WNT8A: variants seen among roughly 807,000 people sequenced by gnomAD.
WNT8A encodes the protein Wnt family member 8A.
Under a neutral mutation model 20.5 loss-of-function variants are expected in WNT8A, and 14 were observed. The observed-to-expected ratio is 0.68, with a 90% CI of 0.45 to 1.07. The LOEUF is 1.07. WNT8A is among the 50% of genes least tolerant of loss of function. The probability of loss-of-function intolerance (pLI) is 0.00; values close to 1 mark genes in which losing one functional copy is unlikely to be tolerated. For synonymous variants in WNT8A, 167 were observed against 169.2 expected, an observed-to-expected ratio of 0.99 and a Z score of 0.10; for missense variants, 397 against 462.9, an observed-to-expected ratio of 0.86 and a Z score of 1.31.
chr5:138,084,489 C>T lies in WNT8A; in HGVS notation c.157-9C>T, dbSNP rs1750595437. 5 of 1,594,110 alleles carry T rather than the reference C, an allele frequency of 3.1e-6. No individual in the cohort carries two copies. The highest frequency in any genetic ancestry group is 4.3e-6 in the Non-Finnish European group (5 of 1,169,202). On this transcript the variant is annotated splice_polypyrimidine_tract_variant and intron_variant, in intron 1 of 4. Transcript: ENST00000506684. ...GGGCAGAAGCTCACAGCCCTTTTCC[C>T]TTTGCCAGGCCTATCTGACCTACAC...
upstream of WNT8A, among the ~76,000 whole-genome samples, chr5:138,081,341 T>A (rs527817355): frequency 6.6e-6 from 1 of 152,140 alleles, no homozygotes; most frequent in East Asian, 1.9e-4. Context: ...AAAAGAGTAT[T>A]TTTTTGTAGA....
At chr5:138,087,992 C>T in intron 3 of WNT8A, 61 bp downstream of exon 3, 6 of 1,596,806 alleles carry the variant, frequency 3.8e-6, no homozygotes, top group Non-Finnish European at 5.1e-6. Context: ...TGAGTGCAGA[C>T]TAAAGTCTTC....
upstream of WNT8A, among the ~76,000 whole-genome samples, chr5:138,080,205 C>T (rs1378800407): frequency 2.0e-5 from 3 of 151,830 alleles, no homozygotes; most frequent in Non-Finnish European, 2.9e-5. Flanking sequence ...CACCTGTAAT[C>T]CCAGCTACTT....
chr5:138,078,920 G>C, the WNT8A span, among the ~76,000 whole-genome samples: 1 of 152,176 alleles, frequency 6.6e-6, no homozygotes, highest in African/African-American at 2.4e-5. Flanking sequence ...ATTAGAGGTG[G>C]AAGGGGTCTT....
the WNT8A span, among the ~76,000 whole-genome samples, chr5:138,078,798 C>A: frequency 2.0e-5 from 3 of 152,114 alleles, no homozygotes; most frequent in Non-Finnish European, 4.4e-5. Flanking sequence ...CACGAATGGC[C>A]TCTGAATTTC....
At chr5:138,088,286 G>A (rs939456929) in intron 3 of WNT8A, among the ~76,000 whole-genome samples, 1 of 152,052 alleles carries the variant, frequency 6.6e-6, no homozygotes, top group Admixed American at 6.6e-5. Context: ...CACTAATGAA[G>A]GAGGTAGTAG....
At chr5:138,084,396 T>C in intron 1 of WNT8A, 102 bp from the exon 2 acceptor site, 3 of 1,550,884 alleles carry the variant, frequency 1.9e-6, no homozygotes, top group East Asian at 2.3e-5. Context: ...GAACCCATGG[T>C]TGATTCTTAA....
At position 138,090,997 on chromosome 5, in the gene WNT8A, G is replaced by A; in HGVS notation, c.1034G>A (p.Cys345Tyr). 6.2e-7 allele frequency: 1 copy of A among 1,614,206 alleles called. No individual in the cohort carries two copies. The highest frequency in any genetic ancestry group is 8.5e-7 in the Non-Finnish European group (1 of 1,180,028). Residue 345 changes from cysteine (C) to tyrosine (Y), a missense_variant, in exon 5 of 5, where the codon TGT becomes TAT. Cys to Tyr is a radical substitution (Grantham distance 194). Transcript: ENST00000506684. Reference protein sequence around the residue: ...QWCCTVKCDQCRHVVSKYYCA... With the variant: ...QWCCTVKCDQYRHVVSKYYCA... ...TGCTGTACGGTCAAGTGTGACCAGTGTAGGCATGTGGTGAGCAAGTATTAC... is the reference window on the plus strand; with the variant it reads ...TGCTGTACGGTCAAGTGTGACCAGTATAGGCATGTGGTGAGCAAGTATTAC...
rs200959304 is a variant in WNT8A at position 138,087,908 on chromosome 5, A to T, written c.398A>T (p.Asp133Val). 2 of 1,613,904 alleles carry T rather than the reference A, an allele frequency of 1.2e-6. No homozygotes were observed. Reference sequence around the variant, plus strand: ...GGTGACTTCGAAAACTGTGGCTGTGATGGGTCAAACAATGGAAAAACAGGT... The same window carrying T: ...GGTGACTTCGAAAACTGTGGCTGTGTTGGGTCAAACAATGGAAAAACAGGT... Reference protein sequence around the residue: ...SMGDFENCGCDGSNNGKTGGH... With the variant: ...SMGDFENCGCVGSNNGKTGGH... Residue 133 changes from aspartate to valine, a missense_variant, in exon 3 of 5, where the codon GAT becomes GTT. Transcript: ENST00000506684.
downstream of WNT8A, chr5:138,091,967 G>A (rs558475017): frequency 6.6e-5 from 10 of 152,292 alleles, no homozygotes; most frequent in East Asian, 3.9e-4. Flanking sequence ...CTCATAAACC[G>A]TCTCTGGAGC....
Position 138,087,910 on chromosome 5 carries a change from G to A in WNT8A, c.400G>A (p.Gly134Arg). 1 of 1,613,900 alleles carries A rather than the reference G, an allele frequency of 6.2e-7. No individual in the cohort carries two copies. The highest frequency in any genetic ancestry group is 8.5e-7 in the Non-Finnish European group (1 of 1,179,862). ...TGACTTCGAAAACTGTGGCTGTGAT[G>A]GGTCAAACAATGGAAAAACAGGTAA... is the stretch of plus-strand genomic sequence containing the variant. ...MGDFENCGCD[G>R]SNNGKTGGHG... Residue 134 changes from glycine (G) to arginine (R), a missense_variant, in exon 3 of 5, where the codon GGG (glycine) becomes AGG (arginine). Gly to Arg is a moderately radical substitution (Grantham distance 125). Coordinates refer to ENST00000506684, the MANE Select transcript of WNT8A (RefSeq NM_001300939.2).
In WNT8A at chr5:138,091,193, T is replaced by G; in HGVS notation, c.*120T>G. On this transcript the variant is annotated 3_prime_UTR_variant, in exon 5 of 5. Coordinates refer to ENST00000506684, the MANE Select transcript of WNT8A (RefSeq NM_001300939.2). Reference sequence around the variant, plus strand: ...TTGCAGTTTTGGTCTGTAGTCCTCATGATATCTGCTATCAGTGGGGAAAAT... The same window carrying G: ...TTGCAGTTTTGGTCTGTAGTCCTCAGGATATCTGCTATCAGTGGGGAAAAT... 1 of 1,540,696 alleles carries G rather than the reference T, an allele frequency of 6.5e-7. No homozygotes were observed. The highest frequency in any genetic ancestry group is 8.7e-7 in the Non-Finnish European group (1 of 1,154,864).
At chr5:138,088,844 C>G in intron 3 of WNT8A, 83 bp from the exon 4 acceptor site, 1 of 1,555,792 alleles carries the variant, frequency 6.4e-7, no homozygotes, top group Non-Finnish European at 8.7e-7. Context: ...GCTTTACACT[C>G]TAGGGCTCTT....
chr5:138,091,879 TAAAG>T (rs1357057767), downstream of WNT8A, among the ~76,000 whole-genome samples: 1 of 51,908 alleles, frequency 1.9e-5, no homozygotes, highest in African/African-American at 5.1e-5. Context: ...AAATAAATAA[TAAAG>T]AGAAAAGAAA....
chr5:138,084,960 G>A (rs1029848560), intron 2 of WNT8A, among the ~76,000 whole-genome samples: 16 of 151,334 alleles, frequency 1.1e-4, no homozygotes, highest in African/African-American at 2.9e-4. Context: ...TTTTTGAGAC[G>A]GAGTCTCACT....
upstream of WNT8A, among the ~76,000 whole-genome samples, chr5:138,080,441 C>CTTGTTTTT (rs368764887): frequency 0.021 from 1,178 of 56,040 alleles, 81 homozygotes; most frequent in Middle Eastern, 0.064. Context: ...CTCTGTAAAT[C>CTTGTTTTT]TTGTTTTTTT....
At chr5:138,089,260 G>C (rs1177144918) in intron 4 of WNT8A, among the ~76,000 whole-genome samples, 191 bp downstream of exon 4, 4 of 152,198 alleles carry the variant, frequency 2.6e-5, no homozygotes, top group Non-Finnish European at 2.9e-5. Flanking sequence ...ACTAATAAGT[G>C]TCAGAGACAG....
downstream of WNT8A, among the ~76,000 whole-genome samples, chr5:138,091,759 G>C (rs568407263): frequency 3.5e-5 from 2 of 56,532 alleles, no homozygotes; most frequent in African/African-American, 9.7e-5. Context: ...CCAGGAGCTC[G>C]AGACTACAGT....
chr5:138,084,123 G>A lies in WNT8A; in HGVS notation c.-5G>A, dbSNP rs201745174. Reference sequence around the variant, plus strand: ...CCTGTTTATGCTCTGGGCAGCTCTGGGCATATGCTGTGCTGCATTCAGTGC... The same window carrying A: ...CCTGTTTATGCTCTGGGCAGCTCTGAGCATATGCTGTGCTGCATTCAGTGC... On this transcript the variant is annotated 5_prime_UTR_variant, in exon 1 of 5. Transcript: ENST00000506684. The A allele has an allele frequency of 4.0e-5, 64 of 1,614,024 alleles. No individual in the cohort carries two copies. Among genetic ancestry groups the A allele is most frequent in the Admixed American group, 2.3e-4 (14 of 59,992 alleles).
Sources: gnomAD v4.1 joint callset for allele counts (sites outside exome capture counted in the v4.1 genomes callset) on GRCh38, gnomAD v4.1.1 for gene constraint, MANE v1.5 for transcripts, NCBI Gene and HGNC (gene_info 2026-07-23, HGNC 2026-07-21) for gene names.